Variants in KLHL29 observed in about 807,000 individuals in gnomAD.
KLHL29 encodes the protein kelch like family member 29, also known as kelch-like protein 29.
Under a neutral mutation model 80.4 loss-of-function variants are expected in KLHL29, and 21 were observed. The ratio of observed to expected loss-of-function variants is 0.26; its 90% confidence interval spans 0.19 to 0.38. The LOEUF (loss-of-function observed/expected upper bound fraction) is 0.38. Ranked by LOEUF, KLHL29 falls within the 10% of genes least tolerant of loss-of-function variation. The pLI is 1.00. For missense variants in KLHL29, 867 were observed against 1,223.9 expected (o/e 0.71, Z 4.35); for synonymous variants, 511 against 526.8 (o/e 0.97, Z 0.41).
At chr2:23,557,732 G>A (rs974168625) in intron 2 of KLHL29, among the ~76,000 whole-genome samples, 9 of 152,108 alleles carry the variant, frequency 5.9e-5, no homozygotes, top group Non-Finnish European at 1.3e-4. Context: ...CGGGTTGCTG[G>A]CCGCCCTCAG....
At chr2:23,494,413 G>A (rs749184065) in intron 2 of KLHL29, among the ~76,000 whole-genome samples, 5 of 152,206 alleles carry the variant, frequency 3.3e-5, no homozygotes, top group Non-Finnish European at 4.4e-5. Context: ...GCTCCTCCAC[G>A]GAGATGCTTT....
chr2:23,529,302 T>C (rs1474062516), intron 2 of KLHL29, among the ~76,000 whole-genome samples: 3 of 152,100 alleles, frequency 2.0e-5, no homozygotes, highest in African/African-American at 7.2e-5. Context: ...TCTGTAGAGA[T>C]GGGGGTCTTG....
At chr2:23,675,418 C>T (rs749852921) in intron 5 of KLHL29, among the ~76,000 whole-genome samples, 16 of 152,154 alleles carry the variant, frequency 1.1e-4, no homozygotes, top group Non-Finnish European at 1.5e-4. Flanking sequence ...TGTCCTCCTC[C>T]GTTCCTTCCT....
At chr2:23,534,047 C>T (rs541062696) in intron 2 of KLHL29, among the ~76,000 whole-genome samples, 14 of 152,070 alleles carry the variant, frequency 9.2e-5, no homozygotes, top group African/African-American at 3.1e-4. Flanking sequence ...AGTAAGGACC[C>T]GCCAATAGTT....
chr2:23,458,044 A>T (rs1480886587), intron 1 of KLHL29, among the ~76,000 whole-genome samples: 2 of 152,132 alleles, frequency 1.3e-5, no homozygotes, highest in East Asian at 3.9e-4. Flanking sequence ...AATAAAACGT[A>T]AGGATGCCTG....
rs1410327198 is a variant in KLHL29, at chr2:23,671,058, C to T, written c.941-13341C>T. Among the ~76,000 whole-genome samples the T allele has an allele frequency of 5.9e-5, 3 of 50,768 alleles. 1 individual carries two copies. Among genetic ancestry groups the T allele is most frequent in the South Asian group, 2.4e-3 (2 of 842 alleles). The allele number at this position is 50,768 out of a possible 152,430, so 33.3% of individuals were successfully genotyped here. A position where few individuals can be genotyped will look rare whatever the true frequency, so the allele number is the denominator to read the frequency against. On this transcript the variant is annotated intron_variant, in intron 5 of 13. Transcript: ENST00000486442. ...TCACATCCTCCCAGCTGTGACTCCT[C>T]CCTGGATGGGATTCGCAGTGTTCTG...
chr2:23,506,078 C>G (rs576048305), intron 2 of KLHL29, among the ~76,000 whole-genome samples: 23 of 152,314 alleles, frequency 1.5e-4, no homozygotes, highest in Non-Finnish European at 2.8e-4. Context: ...GCAACAGGAG[C>G]ACTCTGGGCT....
rs114107123 is a variant in KLHL29, at chr2:23,543,592, G to A, written c.-45-18560G>A. 5.4e-3 allele frequency among the ~76,000 whole-genome samples: 823 copies of A among 152,254 alleles called. 11 individuals carry two copies. The highest frequency in any genetic ancestry group is 0.019 in the African/African-American group (794 of 41,528). Reference sequence around the variant, plus strand: ...TTTCCGTGTTTCCTTGCAGTGTAACGTTTCATTAGACCTTCCAGATGGGGG... The same window carrying A: ...TTTCCGTGTTTCCTTGCAGTGTAACATTTCATTAGACCTTCCAGATGGGGG... On this transcript the variant is annotated intron_variant, in intron 2 of 13. Transcript: ENST00000486442.
rs148874131 is a variant in KLHL29, at chr2:23,680,510, C to T, written c.941-3889C>T. Among the ~76,000 whole-genome samples the T allele has an allele frequency of 2.0e-5, 3 of 152,312 alleles. No homozygotes were observed. Among genetic ancestry groups the T allele is most frequent in the Admixed American group, 2.0e-4 (3 of 15,310 alleles). On this transcript the variant is annotated intron_variant, in intron 5 of 13. Coordinates refer to ENST00000486442, the MANE Select transcript of KLHL29 (RefSeq NM_052920.2). The surrounding 1 kb of genome is among the most constrained non-coding windows in gnomAD (Gnocchi z 4.1). ...GGAGACCCAAAAACAACCTCTGGGG[C>T]CGACCAACAGGGACAGATGCTGAGG...
intron 2 of KLHL29, among the ~76,000 whole-genome samples, chr2:23,551,314 C>T (rs558239020): frequency 2.6e-5 from 4 of 152,120 alleles, no homozygotes; most frequent in South Asian, 2.1e-4. Flanking sequence ...ATTAGTCCCA[C>T]GAGAAAAGTC....
At chr2:23,699,317 C>T (rs991510125) in intron 11 of KLHL29, among the ~76,000 whole-genome samples, 2 of 152,196 alleles carry the variant, frequency 1.3e-5, no homozygotes, top group African/African-American at 4.8e-5. Flanking sequence ...GGTGGCACAG[C>T]ATGCCATGCC....
At chr2:23,460,697 G>A (rs192346063) in intron 1 of KLHL29, among the ~76,000 whole-genome samples, 14 of 152,084 alleles carry the variant, frequency 9.2e-5, no homozygotes, top group Admixed American at 7.2e-4. Context: ...AGGGAGCATC[G>A]TGCAAACTCA....
chr2:23,466,511 A>G (rs1664358682), intron 1 of KLHL29, among the ~76,000 whole-genome samples: 1 of 152,214 alleles, frequency 6.6e-6, no homozygotes, highest in Admixed American at 6.5e-5. Flanking sequence ...GCAGATGGCT[A>G]AATATGACCG....
In KLHL29 at chr2:23,663,489, C is replaced by T. The variant is rs1670474212; in HGVS notation, c.940+20639C>T. Among the ~76,000 whole-genome samples, 5 of 152,192 alleles carry T rather than the reference C, an allele frequency of 3.3e-5. No individual in the cohort carries two copies. In the South Asian group the frequency reaches 1.0e-3, roughly 31 times the overall value. On this transcript the variant is annotated intron_variant, in intron 5 of 13. Transcript: ENST00000486442. Reference sequence around the variant, plus strand: ...GGTTCCCGGGCCCGCGGAGGTGGCGCGTCTGCGAGCGCCTATTTGCATATG... The same window carrying T: ...GGTTCCCGGGCCCGCGGAGGTGGCGTGTCTGCGAGCGCCTATTTGCATATG...
Position 23,562,751 on chromosome 2 carries a change from T to TG in KLHL29, c.285+271dup, listed in dbSNP as rs1246154367. On this transcript the variant is annotated intron_variant, in intron 3 of 13. Transcript: ENST00000486442. The surrounding 1 kb of genome is among the most constrained non-coding windows in gnomAD (Gnocchi z 4.5). ...ATTGTCCTATGCCATGTTGATTAGA[T>TG]GCTATTAATGAGTGAAGTAACAGTG... Among the ~76,000 whole-genome samples the TG allele has an allele frequency of 1.3e-5, 2 of 152,178 alleles. No homozygotes were observed. The highest frequency in any genetic ancestry group is 4.8e-5 in the African/African-American group (2 of 41,446).
chr2:23,603,152 G>A (rs1668617209), intron 3 of KLHL29, among the ~76,000 whole-genome samples: 1 of 152,196 alleles, frequency 6.6e-6, no homozygotes, highest in Non-Finnish European at 1.5e-5. Context: ...CAGGAAAGCA[G>A]GTTTGAGGTC....
chr2:23,550,147 A>C (rs1572394705), intron 2 of KLHL29, among the ~76,000 whole-genome samples: 2 of 152,170 alleles, frequency 1.3e-5, no homozygotes, highest in East Asian at 3.9e-4. Flanking sequence ...ATTTCCTCTC[A>C]GTATCTTGCA....
chr2:23,402,647 C>T (rs1666622306), intron 1 of KLHL29, among the ~76,000 whole-genome samples: 1 of 152,196 alleles, frequency 6.6e-6, no homozygotes, highest in South Asian at 2.1e-4. Context: ...TTGGGCACTG[C>T]AGGAGGGTTG....
At chr2:23,446,498 T>TGG (rs1663687017) in intron 1 of KLHL29, among the ~76,000 whole-genome samples, 1 of 152,018 alleles carries the variant, frequency 6.6e-6, no homozygotes, top group Non-Finnish European at 1.5e-5. Flanking sequence ...CAGCGTGGAG[T>TGG]GGCACGTCTA....
Sources: allele counts gnomAD v4.1 joint callset (sites outside exome capture counted in the v4.1 genomes callset), GRCh38; gene constraint gnomAD v4.1.1; non-coding constraint Gnocchi (gnomAD v3.1); transcripts MANE v1.5; gene names NCBI Gene and HGNC (gene_info 2026-07-23, HGNC 2026-07-21).